ARID4B: variants seen among roughly 807,000 people sequenced by gnomAD.
ARID4B encodes the protein AT-rich interactive domain-containing protein 4B.
ARID4B carries 26 observed loss-of-function variants against 147.5 expected under a neutral mutation model. That is an observed-to-expected ratio of 0.18 (90% CI 0.13 to 0.24). The LOEUF is 0.24. ARID4B is among the 10% of genes least tolerant of loss of function. The probability of loss-of-function intolerance (pLI) is 1.00; values close to 1 mark genes in which losing one functional copy is unlikely to be tolerated. For missense variants in ARID4B, 1,179 were observed against 1,511.5 expected (o/e 0.78, Z 3.65); for synonymous variants, 512 against 507.9 (o/e 1.01, Z -0.11).
intron 2 of ARID4B, among the ~76,000 whole-genome samples, chr1:235,276,369 T>G (rs371999819): frequency 6.6e-6 from 1 of 152,282 alleles, no homozygotes; most frequent in South Asian, 2.1e-4. Context: ...ACCAGATGCG[T>G]CTGGCCCTAC....
chr1:235,227,197 T>C (rs1667886947), intron 11 of ARID4B, among the ~76,000 whole-genome samples: 1 of 152,126 alleles, frequency 6.6e-6, no homozygotes, highest in South Asian at 2.1e-4. Context: ...GACATTGCTA[T>C]AGCATAAAGT....
chr1:235,209,361 C>T (rs140095830), intron 17 of ARID4B, among the ~76,000 whole-genome samples: 2,891 of 152,090 alleles, frequency 0.019, 70 homozygotes, highest in African/African-American at 0.054. Flanking sequence ...ATCCCAGCTA[C>T]TTGGGAGGCT....
Position 235,223,276 on chromosome 1 carries a change from C to G in ARID4B, c.971-16G>C. The G allele has an allele frequency of 7.1e-7, 1 of 1,399,402 alleles. No homozygotes were observed. Among genetic ancestry groups the G allele is most frequent in the Non-Finnish European group, 9.8e-7 (1 of 1,023,604 alleles). 86.7% of individuals were successfully genotyped at this position (1,399,402 alleles called of 1,614,324 possible). ...ATAGGTGTACCTGTTACAGAAAACA[C>G]AAACTATATTAGATCCACACTACAT... On this transcript the variant is annotated splice_polypyrimidine_tract_variant and intron_variant, in intron 12 of 23. Coordinates refer to ENST00000264183, the MANE Select transcript of ARID4B (RefSeq NM_016374.6).
intron 9 of ARID4B, 86 bp from the exon 10 acceptor site, chr1:235,231,275 C>A: frequency 2.9e-6 from 2 of 691,666 alleles, no homozygotes; most frequent in Non-Finnish European, 4.7e-6. Flanking sequence ...TTACATATCA[C>A]AGAAAGATAC....
intron 21 of ARID4B, among the ~76,000 whole-genome samples, chr1:235,176,342 G>GA (rs377593112): frequency 8.4e-5 from 11 of 131,014 alleles, no homozygotes; most frequent in South Asian, 2.5e-4. Flanking sequence ...CACAGTGAAA[G>GA]AAAAAACACT....
At chr1:235,191,397 C>A (rs982668684) in intron 19 of ARID4B, among the ~76,000 whole-genome samples, 2 of 151,844 alleles carry the variant, frequency 1.3e-5, no homozygotes, top group African/African-American at 4.8e-5. Flanking sequence ...TACAGGCACC[C>A]ACCACCACAC....
intron 23 of ARID4B, among the ~76,000 whole-genome samples, chr1:235,169,956 C>A (rs1663224683): frequency 1.3e-5 from 2 of 152,100 alleles, no homozygotes; most frequent in Admixed American, 6.5e-5. Context: ...GCAATTGCGC[C>A]CGGCCTCTCT....
chr1:235,169,156 G>A (rs114857110), intron 23 of ARID4B, among the ~76,000 whole-genome samples: 1,561 of 152,140 alleles, frequency 0.01, 25 homozygotes, highest in African/African-American at 0.033. Context: ...TGCATTCTCC[G>A]CCACTAGGTT....
At chr1:235,294,190 T>C (rs1462227799) in intron 2 of ARID4B, among the ~76,000 whole-genome samples, 1 of 151,898 alleles carries the variant, frequency 6.6e-6, no homozygotes, top group African/African-American at 2.4e-5. Flanking sequence ...GACTTTCAAA[T>C]CTGAACCTTT....
intron 2 of ARID4B, among the ~76,000 whole-genome samples, chr1:235,277,836 T>A (rs1224172597): frequency 6.6e-6 from 1 of 152,100 alleles, no homozygotes; most frequent in Non-Finnish European, 1.5e-5. Context: ...TCAAGATGAG[T>A]GTAAGGAAAC....
At chr1:235,254,823 T>A (rs374580654) in intron 5 of ARID4B, among the ~76,000 whole-genome samples, 1 of 151,952 alleles carries the variant, frequency 6.6e-6, no homozygotes, top group Non-Finnish European at 1.5e-5. Context: ...AATAAACATA[T>A]GAAAAGATGT....
intron 19 of ARID4B, among the ~76,000 whole-genome samples, 194 bp downstream of exon 19, chr1:235,193,818 CA>C (rs1034725520): frequency 1.3e-5 from 2 of 150,128 alleles, no homozygotes; most frequent in African/African-American, 2.4e-5. Flanking sequence ...ATTCCAAAAT[CA>C]AAAAAAAATC....
intron 2 of ARID4B, among the ~76,000 whole-genome samples, chr1:235,289,963 G>C (rs535614436): frequency 1.7e-3 from 260 of 151,796 alleles, no homozygotes; most frequent in African/African-American, 5.9e-3. Flanking sequence ...CTGGGAGACA[G>C]AGGTTGCAGT....
At chr1:235,282,046 C>T (rs1671701438) in intron 2 of ARID4B, among the ~76,000 whole-genome samples, 1 of 152,090 alleles carries the variant, frequency 6.6e-6, no homozygotes, top group South Asian at 2.1e-4. Context: ...GGGGACTCTG[C>T]TATGAAATAA....
chr1:235,257,166 T>C lies in ARID4B; in HGVS notation c.177A>G (p.Pro59=). ...CAATGAATACATGAATTACCTTTAG[T>C]GGGCCCTTTATGTGGTCATCCTGAA... ...VEVQDDHIKG[P]LKVGAIVEVK... Residue 59 remains proline (P), a synonymous_variant, in exon 4 of 24, where the codon CCA becomes CCG. Coordinates refer to ENST00000264183, the MANE Select transcript of ARID4B (RefSeq NM_016374.6). 1 of 1,606,702 alleles carries C rather than the reference T, an allele frequency of 6.2e-7. No homozygotes were observed. Among genetic ancestry groups the C allele is most frequent in the Non-Finnish European group, 8.5e-7 (1 of 1,173,390 alleles).
chr1:235,187,043 C>A, intron 19 of ARID4B: 1 of 375,942 alleles, frequency 2.7e-6, no homozygotes, highest in Non-Finnish European at 5.1e-6. Flanking sequence ...TTTTTCACTG[C>A]ATCTTATTCT....
chr1:235,323,299 C>T (rs1444831581), intron 2 of ARID4B, among the ~76,000 whole-genome samples: 1 of 151,910 alleles, frequency 6.6e-6, no homozygotes, highest in Non-Finnish European at 1.5e-5. Flanking sequence ...CCTCAGCCTC[C>T]CAAAGTACTG....
chr1:235,304,621 T>C (rs1229411664), intron 2 of ARID4B, among the ~76,000 whole-genome samples: 1 of 152,138 alleles, frequency 6.6e-6, no homozygotes, highest in African/African-American at 2.4e-5. Context: ...CTATAAATCA[T>C]CACCATCCTC....
chr1:235,308,605 C>A (rs1051141549), intron 2 of ARID4B, among the ~76,000 whole-genome samples: 17 of 152,102 alleles, frequency 1.1e-4, no homozygotes, highest in African/African-American at 4.1e-4. Context: ...CTGCCGAGTG[C>A]CCGCGATTGC....
Sources: allele counts gnomAD v4.1 joint callset (sites outside exome capture counted in the v4.1 genomes callset), GRCh38; gene constraint gnomAD v4.1.1; transcripts MANE v1.5; gene names NCBI Gene and HGNC (gene_info 2026-07-23, HGNC 2026-07-21).